Variants in RAPGEF6 observed in about 807,000 individuals in gnomAD.
RAPGEF6 encodes the protein Rap guanine nucleotide exchange factor 6, also known as PDZ domain containing guanine nucleotide exchange factor (GEF) 2.
Under a neutral mutation model 171.4 loss-of-function variants are expected in RAPGEF6, and 56 were observed. The observed-to-expected ratio is 0.33, with a 90% CI of 0.26 to 0.41. The LOEUF is 0.41. RAPGEF6 is among the 10% of genes least tolerant of loss of function. The pLI, the probability that RAPGEF6 is intolerant of heterozygous loss-of-function variation, is 1.00. For synonymous variants in RAPGEF6, 692 were observed against 650.1 expected (o/e 1.06, Z -0.98); for missense variants, 1,674 against 1,921.4 (o/e 0.87, Z 2.41).
chr5:131,543,131 G>A (rs547953531), intron 6 of RAPGEF6, among the ~76,000 whole-genome samples: 1 of 152,050 alleles, frequency 6.6e-6, no homozygotes, highest in Non-Finnish European at 1.5e-5. Context: ...CTGATGGTAG[G>A]CCATAAACAG....
At chr5:131,531,547 C>T (rs1198291778) in intron 6 of RAPGEF6, among the ~76,000 whole-genome samples, 2 of 152,128 alleles carry the variant, frequency 1.3e-5, no homozygotes, top group African/African-American at 4.8e-5. Context: ...TAATGGTTTA[C>T]TATCTTGAAA....
At chr5:131,504,179 A>G (rs1385079117) in intron 11 of RAPGEF6, among the ~76,000 whole-genome samples, 2 of 152,150 alleles carry the variant, frequency 1.3e-5, no homozygotes. Flanking sequence ...AAACCATCTT[A>G]GAGATCAGGC....
intron 18 of RAPGEF6, among the ~76,000 whole-genome samples, chr5:131,463,269 G>A (rs971032946): frequency 6.6e-6 from 1 of 152,066 alleles, no homozygotes; most frequent in Non-Finnish European, 1.5e-5. Flanking sequence ...ATATGAAACT[G>A]GGTTACCAAA....
chr5:131,499,858 T>C (rs1365277320), intron 11 of RAPGEF6, among the ~76,000 whole-genome samples: 4 of 152,212 alleles, frequency 2.6e-5, no homozygotes, highest in African/African-American at 9.6e-5. Flanking sequence ...AAGAATCTAT[T>C]AAAAATAAAA....
intron 23 of RAPGEF6, chr5:131,440,065 C>G (rs1752277657): frequency 2.7e-6 from 1 of 373,356 alleles, no homozygotes. Context: ...CAAACTCTTC[C>G]CTCCCCTCTA....
intron 3 of RAPGEF6, among the ~76,000 whole-genome samples, chr5:131,602,353 G>A (rs1048975047): frequency 8.5e-5 from 13 of 152,232 alleles, no homozygotes; most frequent in East Asian, 7.7e-4. Flanking sequence ...CTGAAACAAC[G>A]TTATGTGGCA....
chr5:131,432,120 T>G lies in RAPGEF6; in HGVS notation c.3975-771A>C, dbSNP rs554489072. ...CAAAGAATAGTTCTGTTTTTTAACCTTTTAAAAGGTTAAAAAAGAAAAGAA... is the reference window on the plus strand; with the variant it reads ...CAAAGAATAGTTCTGTTTTTTAACCGTTTAAAAGGTTAAAAAAGAAAAGAA... On this transcript the variant is annotated intron_variant, in intron 25 of 27. Transcript: ENST00000509018. 8.1e-4 allele frequency among the ~76,000 whole-genome samples: 123 copies of G among 152,216 alleles called. 1 individual carries two copies. Among genetic ancestry groups the G allele is most frequent in the African/African-American group, 2.5e-3 (104 of 41,524 alleles).
intron 4 of RAPGEF6, among the ~76,000 whole-genome samples, chr5:131,568,673 G>A (rs1254917900): frequency 6.6e-6 from 1 of 152,022 alleles, no homozygotes; most frequent in Non-Finnish European, 1.5e-5. Context: ...TATGCTTCAG[G>A]AACAAGCAAA....
At chr5:131,512,588 T>C (rs1270371157) in intron 7 of RAPGEF6, among the ~76,000 whole-genome samples, 1 of 152,220 alleles carries the variant, frequency 6.6e-6, no homozygotes, top group Non-Finnish European at 1.5e-5. Context: ...TTTGGATTTC[T>C]GCACAGCTTT....
chr5:131,585,121 G>T (rs768149588), intron 4 of RAPGEF6, among the ~76,000 whole-genome samples: 13 of 152,088 alleles, frequency 8.5e-5, no homozygotes, highest in Admixed American at 1.3e-4. Flanking sequence ...GTGGATATTT[G>T]ATTTACATAA....
At chr5:131,486,726 A>ATTTTTT (rs5871425) in intron 15 of RAPGEF6, among the ~76,000 whole-genome samples, 4 of 127,298 alleles carry the variant, frequency 3.1e-5, no homozygotes, top group Non-Finnish European at 4.9e-5. Flanking sequence ...CAAGGGATAA[A>ATTTTTT]TTTTTTTTTT....
chr5:131,587,254 C>G (rs566653828), intron 4 of RAPGEF6, among the ~76,000 whole-genome samples: 1 of 152,194 alleles, frequency 6.6e-6, no homozygotes, highest in South Asian at 2.1e-4. Context: ...GTATATACAA[C>G]AGAAATGTAT....
chr5:131,549,701 G>T (rs2149951666), intron 5 of RAPGEF6, among the ~76,000 whole-genome samples: 1 of 152,020 alleles, frequency 6.6e-6, no homozygotes, highest in African/African-American at 2.4e-5. Context: ...AAAGTTATGT[G>T]AATATGGTCT....
chr5:131,446,903 A>C (rs189153878), intron 21 of RAPGEF6, 200 bp from the exon 22 acceptor site: 9 of 548,126 alleles, frequency 1.6e-5, no homozygotes, highest in Non-Finnish European at 2.9e-5. Context: ...AAAGTACAGA[A>C]TTCAAAAGAA....
chr5:131,519,578 T>A (rs2149906857), intron 7 of RAPGEF6, among the ~76,000 whole-genome samples: 1 of 152,244 alleles, frequency 6.6e-6, no homozygotes, highest in African/African-American at 2.4e-5. Context: ...ATTTTTGAAT[T>A]TTTCGTAGAG....
At chr5:131,626,901 T>A (rs1263785931) in intron 1 of RAPGEF6, among the ~76,000 whole-genome samples, 3 of 152,200 alleles carry the variant, frequency 2.0e-5, no homozygotes, top group Non-Finnish European at 4.4e-5. Flanking sequence ...ATATTGTTAA[T>A]CTATACCTAG....
At chr5:131,580,712 G>C (rs1456686561) in intron 4 of RAPGEF6, among the ~76,000 whole-genome samples, 4 of 152,324 alleles carry the variant, frequency 2.6e-5, no homozygotes, top group East Asian at 1.9e-4. Flanking sequence ...TGCTGCCCTT[G>C]CTGGATCTCT....
intron 1 of RAPGEF6, among the ~76,000 whole-genome samples, chr5:131,619,120 T>G (rs1049677072): frequency 6.6e-6 from 1 of 151,804 alleles, no homozygotes; most frequent in Non-Finnish European, 1.5e-5. Context: ...ATACCTTGAC[T>G]AGACCCTGGA....
intron 1 of RAPGEF6, among the ~76,000 whole-genome samples, chr5:131,625,584 G>A (rs1033978057): frequency 1.3e-5 from 2 of 152,088 alleles, no homozygotes; most frequent in African/African-American, 4.8e-5. Context: ...GGGAGGCCGA[G>A]GTGGGTGGAT....
Sources: gnomAD v4.1 joint callset for allele counts (sites outside exome capture counted in the v4.1 genomes callset) on GRCh38, gnomAD v4.1.1 for gene constraint, MANE v1.5 for transcripts, NCBI Gene and HGNC (gene_info 2026-07-23, HGNC 2026-07-21) for gene names.